The following DGKI variants were observed in gnomAD, a reference collection of about 807,000 sequenced individuals.
DGKI encodes the protein DAG kinase iota.
A neutral mutation model predicts 147.5 loss-of-function variants in DGKI; 55 were observed. That is an observed-to-expected ratio of 0.37 (90% confidence interval 0.30 to 0.47). The LOEUF is 0.47. Ranked by LOEUF, DGKI falls within the 20% of genes least tolerant of loss-of-function variation. DGKI has a pLI of 1.00. For synonymous variants in DGKI, 469 were observed against 477.1 expected (o/e 0.98, Z 0.22); for missense variants, 1,007 against 1,323.8 (o/e 0.76, Z 3.71).
chr7:137,418,369 T>C (rs1812437020), intron 28 of DGKI, among the ~76,000 whole-genome samples: 1 of 152,216 alleles, frequency 6.6e-6, no homozygotes, highest in African/African-American at 2.4e-5. Flanking sequence ...GGAGAACTGA[T>C]GTTTTTAGCC....
At chr7:137,667,564 G>A (rs1179195999) in intron 3 of DGKI, among the ~76,000 whole-genome samples, 1 of 152,020 alleles carries the variant, frequency 6.6e-6, no homozygotes, top group African/African-American at 2.4e-5. Context: ...TCCATTATCA[G>A]TTTACTTTGT....
intron 21 of DGKI, among the ~76,000 whole-genome samples, chr7:137,517,392 GGAGA>G (rs1350208279): frequency 3.1e-5 from 4 of 131,140 alleles, no homozygotes; most frequent in Non-Finnish European, 6.5e-5. Flanking sequence ...CGGGAGGGAG[GGAGA>G]AAGAGAGAGA....
chr7:137,645,394 G>T, intron 6 of DGKI, 78 bp downstream of exon 6: 1 of 1,239,340 alleles, frequency 8.1e-7, no homozygotes, highest in Non-Finnish European at 1.1e-6. Context: ...TGGATTTGGG[G>T]ACAGGACTCA....
At chr7:137,554,358 A>C (rs1818149441) in intron 19 of DGKI, among the ~76,000 whole-genome samples, 1 of 152,240 alleles carries the variant, frequency 6.6e-6, no homozygotes, top group Non-Finnish European at 1.5e-5. Flanking sequence ...ACTTTCTAGA[A>C]TGAATCATTT....
intron 8 of DGKI, among the ~76,000 whole-genome samples, chr7:137,616,837 G>T (rs972990617): frequency 6.6e-6 from 1 of 151,682 alleles, no homozygotes; most frequent in Non-Finnish European, 1.5e-5. Context: ...ATACTCAAAC[G>T]TTTGTCATGT....
chr7:137,624,353 A>G (rs1361166578), intron 6 of DGKI, among the ~76,000 whole-genome samples: 2 of 152,196 alleles, frequency 1.3e-5, no homozygotes, highest in Non-Finnish European at 2.9e-5. Flanking sequence ...CAAAGCCACA[A>G]TAAAAAATGT....
intron 8 of DGKI, among the ~76,000 whole-genome samples, chr7:137,616,988 C>T (rs1407689332): frequency 6.6e-6 from 1 of 151,662 alleles, no homozygotes; most frequent in Non-Finnish European, 1.5e-5. Context: ...AGATGACAAG[C>T]TGATGGTGAA....
chr7:137,391,572 G>A (rs1351670437), intron 32 of DGKI, among the ~76,000 whole-genome samples: 2 of 152,172 alleles, frequency 1.3e-5, no homozygotes, highest in African/African-American at 4.8e-5. Flanking sequence ...AAATGAAAGG[G>A]AAAGAGTTTA....
At chr7:137,724,821 C>T (rs1794674332) in intron 1 of DGKI, among the ~76,000 whole-genome samples, 1 of 152,086 alleles carries the variant, frequency 6.6e-6, no homozygotes, top group African/African-American at 2.4e-5. Context: ...TGAACATCTG[C>T]AGCATATAAA....
chr7:137,581,861 T>C lies in DGKI; in HGVS notation c.1631A>G (p.His544Arg). 2 of 1,613,046 alleles carry C rather than the reference T, an allele frequency of 1.2e-6. No homozygotes were observed. The highest frequency in any genetic ancestry group is 1.7e-6 in the Non-Finnish European group (2 of 1,179,072). The change falls in exon 15 of 33, where the codon CAT (histidine) becomes CGT (arginine). Residue 544 changes from histidine to arginine, a missense_variant. Physicochemically the swap from His to Arg is conservative, Grantham distance 29. Around this residue, in one of 5 missense-constraint regions of DGKI, gnomAD observed 224 missense variants for 382.7 expected, o/e 0.59. Transcript: ENST00000614521. ...GACGTTGTCCTCACCTCTGGATTCA[T>C]GGAACTCCAGTGTGACATGGGCATC... Reference protein sequence around the residue: ...GFDAHVTLEFHESREANPEKF... With the variant: ...GFDAHVTLEFRESREANPEKF...
intron 1 of DGKI, among the ~76,000 whole-genome samples, chr7:137,819,342 C>T (rs1270595242): frequency 2.7e-5 from 4 of 148,822 alleles, no homozygotes; most frequent in Admixed American, 1.3e-4. Context: ...GACAGAGTCT[C>T]GCTCTGTCGC....
chr7:137,800,498 G>A (rs954942747), intron 1 of DGKI, among the ~76,000 whole-genome samples: 1 of 152,042 alleles, frequency 6.6e-6, no homozygotes, highest in African/African-American at 2.4e-5. Context: ...CTCCCTCTTC[G>A]ATTTCCGCCA....
chr7:137,694,892 G>A (rs1425109761), intron 1 of DGKI, among the ~76,000 whole-genome samples: 4 of 152,096 alleles, frequency 2.6e-5, no homozygotes, highest in African/African-American at 4.8e-5. Flanking sequence ...CAAACTGTGC[G>A]TAATTATTTG....
intron 1 of DGKI, among the ~76,000 whole-genome samples, chr7:137,755,112 T>C (rs1029707897): frequency 1.3e-5 from 2 of 152,128 alleles, no homozygotes; most frequent in Admixed American, 1.3e-4. Flanking sequence ...CTACACAGAT[T>C]ATAAATTAGG....
At chr7:137,603,507 G>A (rs895182787) in intron 10 of DGKI, among the ~76,000 whole-genome samples, 13 of 152,122 alleles carry the variant, frequency 8.5e-5, no homozygotes, top group African/African-American at 2.4e-4. Flanking sequence ...TGATAAATAC[G>A]TATTAGGCCC....
chr7:137,396,967 GAA>G (rs878950103), intron 31 of DGKI, among the ~76,000 whole-genome samples: 3 of 152,216 alleles, frequency 2.0e-5, no homozygotes, highest in Admixed American at 2.0e-4. Flanking sequence ...CTAACAGAGA[GAA>G]GTTATGTCAC....
intron 31 of DGKI, among the ~76,000 whole-genome samples, chr7:137,396,196 C>G (rs966246942): frequency 3.9e-5 from 6 of 152,340 alleles, no homozygotes; most frequent in African/African-American, 1.2e-4. Flanking sequence ...TTCAAAGAAC[C>G]AGGCCAACAC....
intron 21 of DGKI, among the ~76,000 whole-genome samples, chr7:137,491,354 G>C (rs186340476): frequency 6.8e-4 from 104 of 152,244 alleles, no homozygotes; most frequent in Middle Eastern, 6.8e-3. Flanking sequence ...TTCCCCAAAA[G>C]CTGGCAGCCA....
chr7:137,592,919 T>C (rs1048303644), intron 12 of DGKI, among the ~76,000 whole-genome samples: 3 of 152,194 alleles, frequency 2.0e-5, no homozygotes, highest in Non-Finnish European at 4.4e-5. Context: ...AGGTACACTG[T>C]GTGCTTACTC....
Sources: allele counts gnomAD v4.1 joint callset (sites outside exome capture counted in the v4.1 genomes callset), GRCh38; gene constraint gnomAD v4.1.1; regional missense constraint gnomAD v4.1.1; transcripts MANE v1.5; gene names NCBI Gene and HGNC (gene_info 2026-07-23, HGNC 2026-07-21).